MAML1: variants seen among roughly 807,000 people sequenced by gnomAD.
The protein encoded by MAML1 is mastermind like transcriptional coactivator 1.
In MAML1, 14 loss-of-function variants were observed where a neutral mutation model predicts 77.1. The observed-to-expected ratio is 0.18, with a 90% CI of 0.12 to 0.28. MAML1 has a LOEUF of 0.28. Ranked by LOEUF, MAML1 falls within the 10% of genes least tolerant of loss-of-function variation. The pLI is 1.00. For synonymous variants in MAML1, 516 were observed against 551.9 expected (o/e 0.93, Z 0.91); for missense variants, 1,217 against 1,327.8 (o/e 0.92, Z 1.30).
intron 1 of MAML1, among the ~76,000 whole-genome samples, chr5:179,737,381 C>G (rs903098422): frequency 2.0e-5 from 3 of 152,104 alleles, no homozygotes; most frequent in Admixed American, 1.3e-4. Context: ...ACAGTGGCTC[C>G]TTCAATTCAG....
chr5:179,772,407 G>A (rs1192813777), intron 4 of MAML1, among the ~76,000 whole-genome samples: 1 of 152,100 alleles, frequency 6.6e-6, no homozygotes, highest in Non-Finnish European at 1.5e-5. Flanking sequence ...GTGAGCTACC[G>A]TGCCCGGCCC....
rs769444821 is a variant in MAML1 at position 179,766,084 on chromosome 5, T to A, written c.1074T>A (p.Asn358Lys). ...FHTSGQPRADNPSPNLMPASA... is the reference protein window; with the variant it reads ...FHTSGQPRADKPSPNLMPASA... ...CCTCTGGTCAGCCCCGGGCGGACAATCCCAGTCCAAACCTGATGCCGGCAT... is the reference window on the plus strand; with the variant it reads ...CCTCTGGTCAGCCCCGGGCGGACAAACCCAGTCCAAACCTGATGCCGGCAT... Residue 358 changes from asparagine (N) to lysine (K), a missense_variant, in exon 2 of 5, where the codon AAT becomes AAA. Around this residue, in one of 3 missense-constraint regions of MAML1, gnomAD observed 884 missense variants for 949.3 expected, o/e 0.93. Coordinates refer to ENST00000292599, the MANE Select transcript of MAML1 (RefSeq NM_014757.5). The surrounding 1 kb of genome is among the most constrained non-coding windows in gnomAD (Gnocchi z 4.0). 3.4e-5 allele frequency: 54 copies of A among 1,585,870 alleles called. 2 individuals are homozygous for A. The East Asian group carries it at 1.2e-3, about 36-fold the overall frequency.
rs749079660 is a variant in MAML1 at position 179,774,486 on chromosome 5, A to G, written c.2660A>G (p.Asn887Ser). Residue 887 changes from asparagine to serine, a missense_variant, in exon 5 of 5, where the codon AAC becomes AGC. This residue lies in a region of MAML1 where 884 missense variants were observed against 949.3 expected (regional missense o/e 0.93). Transcript: ENST00000292599. ...SSPQFSQAVP[N>S]RPMAPMSSAA... ...CCGCAATTCTCCCAGGCAGTGCCCAACAGGCCCATGGCTCCCATGAGCTCA... is the reference window on the plus strand; with the variant it reads ...CCGCAATTCTCCCAGGCAGTGCCCAGCAGGCCCATGGCTCCCATGAGCTCA... 29 of 1,613,294 alleles carry G rather than the reference A, an allele frequency of 1.8e-5. No individual in the cohort carries two copies. The highest frequency in any genetic ancestry group is 2.5e-5 in the Non-Finnish European group (29 of 1,180,020).
chr5:179,740,274 C>T (rs1779255978), intron 1 of MAML1, among the ~76,000 whole-genome samples: 1 of 152,062 alleles, frequency 6.6e-6, no homozygotes, highest in Non-Finnish European at 1.5e-5. Context: ...GGAGCAGAAA[C>T]ATGATATGAT....
At position 179,766,834 on chromosome 5, in the gene MAML1, G is replaced by A; in HGVS notation, c.1731+93G>A. The A allele has an allele frequency of 9.5e-7, 1 of 1,056,924 alleles. No individual in the cohort carries two copies. Among genetic ancestry groups the A allele is most frequent in the Non-Finnish European group, 1.3e-6 (1 of 754,470 alleles). The allele number at this position is 1,056,924 out of a possible 1,614,324, so 65.5% of individuals were successfully genotyped here. A position where few individuals can be genotyped will look rare whatever the true frequency, so the allele number is the denominator to read the frequency against. On this transcript the variant is annotated intron_variant, in intron 2 of 4. Transcript: ENST00000292599. The surrounding 1 kb of genome is among the most constrained non-coding windows in gnomAD (Gnocchi z 4.0). Reference sequence around the variant, plus strand: ...GATGTTAATTGGATCCGAGGTAGTTGTGGGAAGAGGGAGGAGGGAATAGCT... The same window carrying A: ...GATGTTAATTGGATCCGAGGTAGTTATGGGAAGAGGGAGGAGGGAATAGCT...
At position 179,766,427 on chromosome 5, in the gene MAML1, A is replaced by G; in HGVS notation, c.1417A>G (p.Ser473Gly). 8 of 1,612,874 alleles carry G rather than the reference A, an allele frequency of 5.0e-6. No homozygotes were observed. Among genetic ancestry groups the G allele is most frequent in the Non-Finnish European group, 6.8e-6 (8 of 1,179,444 alleles). The change falls in exon 2 of 5, where the codon AGT (serine) becomes GGT (glycine). Residue 473 changes from serine (S) to glycine (G), a missense_variant. Coordinates refer to ENST00000292599, the MANE Select transcript of MAML1 (RefSeq NM_014757.5). This position sits in a 1 kb window ranked among gnomAD's most constrained non-coding sequence, Gnocchi z 4.0. Reference sequence around the variant, plus strand: ...GCTCATGATGCCTAGTGTGAATAAGAGTTCCCCTCGGCCCGGAGGCCCCTA... The same window carrying G: ...GCTCATGATGCCTAGTGTGAATAAGGGTTCCCCTCGGCCCGGAGGCCCCTA... ...KLLMMPSVNK[S>G]SPRPGGPYLQ...
intron 1 of MAML1, among the ~76,000 whole-genome samples, chr5:179,755,345 A>G (rs1226141607): frequency 6.6e-6 from 1 of 152,190 alleles, no homozygotes; most frequent in Non-Finnish European, 1.5e-5. Flanking sequence ...GTTAACTGTG[A>G]ACTTTCACTG....
chr5:179,753,896 T>A (rs1779560331), intron 1 of MAML1, among the ~76,000 whole-genome samples: 2 of 151,880 alleles, frequency 1.3e-5, no homozygotes, highest in African/African-American at 4.8e-5. Flanking sequence ...GGTCTCGAAC[T>A]CCCGACCTCA....
chr5:179,774,062 C>T lies in MAML1; in HGVS notation c.2236C>T (p.Pro746Ser), dbSNP rs1265495106. Residue 746 changes from proline (P) to serine (S), a missense_variant, in exon 5 of 5, where the codon CCT (proline) becomes TCT (serine). Around this residue, in one of 3 missense-constraint regions of MAML1, gnomAD observed 884 missense variants for 949.3 expected, o/e 0.93. Coordinates refer to ENST00000292599, the MANE Select transcript of MAML1 (RefSeq NM_014757.5). Reference protein sequence around the residue: ...GQQDRGVAQFPGSQNMPQSSL... With the variant: ...GQQDRGVAQFSGSQNMPQSSL... Reference sequence around the variant, plus strand: ...ACAGGACCGGGGTGTGGCTCAGTTCCCTGGCTCCCAAAACATGCCTCAGAG... The same window carrying T: ...ACAGGACCGGGGTGTGGCTCAGTTCTCTGGCTCCCAAAACATGCCTCAGAG... 1.2e-6 allele frequency: 2 copies of T among 1,614,158 alleles called. No individual in the cohort carries two copies. Among genetic ancestry groups the T allele is most frequent in the East Asian group, 2.2e-5 (1 of 44,880 alleles).
At position 179,766,413 on chromosome 5, in the gene MAML1, C is replaced by T; in HGVS notation, c.1403C>T (p.Pro468Leu). Residue 468 changes from proline to leucine, a missense_variant, in exon 2 of 5, where the codon CCT becomes CTT. Physicochemically the swap from Pro to Leu is moderately conservative, Grantham distance 98. Coordinates refer to ENST00000292599, the MANE Select transcript of MAML1 (RefSeq NM_014757.5). The surrounding 1 kb of genome is among the most constrained non-coding windows in gnomAD (Gnocchi z 4.0). The part of the protein sequence containing the change: ...DFTNSKLLMM[P>L]SVNKSSPRPG... ...ACTAACTCCAAACTGCTCATGATGC[C>T]TAGTGTGAATAAGAGTTCCCCTCGG... The T allele has an allele frequency of 6.2e-7, 1 of 1,612,836 alleles. No individual in the cohort carries two copies. Among genetic ancestry groups the T allele is most frequent in the Non-Finnish European group, 8.5e-7 (1 of 1,179,380 alleles).
intron 4 of MAML1, among the ~76,000 whole-genome samples, chr5:179,772,801 C>T (rs1756031834): frequency 6.6e-6 from 1 of 152,112 alleles, no homozygotes; most frequent in African/African-American, 2.4e-5. Flanking sequence ...ACATGGTCTG[C>T]CCTCCCTCAT....
intron 1 of MAML1, among the ~76,000 whole-genome samples, chr5:179,750,270 C>T (rs6601073): frequency 0.46 from 69,356 of 152,048 alleles, 17,167 homozygotes; most frequent in South Asian, 0.62. Flanking sequence ...CACATGCTTA[C>T]TCTGTGAGCC....
In MAML1 at chr5:179,775,264, G is replaced by A. The variant is rs1312001982; in HGVS notation, c.*387G>A. 1 of 1,006,264 alleles carries A rather than the reference G, an allele frequency of 9.9e-7. No individual in the cohort carries two copies. Among genetic ancestry groups the A allele is most frequent in the Non-Finnish European group, 1.2e-6 (1 of 844,478 alleles). 62.3% of individuals were successfully genotyped at this position (1,006,264 alleles called of 1,614,324 possible). Reference sequence around the variant, plus strand: ...AGACTGCTCCACTTACCCCAGTGCTGGGGACAAGTTTCTGTTGAAACTTTA... The same window carrying A: ...AGACTGCTCCACTTACCCCAGTGCTAGGGACAAGTTTCTGTTGAAACTTTA... On this transcript the variant is annotated 3_prime_UTR_variant, in exon 5 of 5. Transcript: ENST00000292599.
intron 1 of MAML1, among the ~76,000 whole-genome samples, chr5:179,739,732 A>G (rs557039716): frequency 6.6e-6 from 1 of 152,356 alleles, no homozygotes; most frequent in African/African-American, 2.4e-5. Flanking sequence ...TAGCATTTCT[A>G]TCATACGAAG....
At chr5:179,752,881 C>T (rs1001864927) in intron 1 of MAML1, among the ~76,000 whole-genome samples, 13 of 152,160 alleles carry the variant, frequency 8.5e-5, no homozygotes, top group African/African-American at 3.1e-4. Flanking sequence ...TCAAGTGATT[C>T]TCCAGTCTCA....
intron 1 of MAML1, among the ~76,000 whole-genome samples, chr5:179,747,696 G>C (rs1779406809): frequency 6.7e-6 from 1 of 150,236 alleles, no homozygotes; most frequent in African/African-American, 2.4e-5. Context: ...TGTAGTCCCA[G>C]CTACTTGGGA....
rs1194277356 is a variant in MAML1, at chr5:179,771,588, G to C, written c.2068+345G>C. ...CTGCTTTTATGTGTCTTCAAAAAATGACTCCTATCTTCCAGATAAGGACTT... is the reference window on the plus strand; with the variant it reads ...CTGCTTTTATGTGTCTTCAAAAAATCACTCCTATCTTCCAGATAAGGACTT... On this transcript the variant is annotated intron_variant, in intron 4 of 4. Coordinates refer to ENST00000292599, the MANE Select transcript of MAML1 (RefSeq NM_014757.5). This position sits in a 1 kb window ranked among gnomAD's most constrained non-coding sequence, Gnocchi z 4.7. Among the ~76,000 whole-genome samples, 1 of 152,194 alleles carries C rather than the reference G, an allele frequency of 6.6e-6. No homozygotes were observed. The highest frequency in any genetic ancestry group is 2.4e-5 in the African/African-American group (1 of 41,438).
rs1756127850 is a variant in MAML1, at chr5:179,775,981, A to G, written c.*1104A>G. ...TCCACTTGGTTTGACAACTTCTGCC[A>G]CTCCCATGTCAGATGACTTGCACTT... On this transcript the variant is annotated 3_prime_UTR_variant, in exon 5 of 5. Coordinates refer to ENST00000292599, the MANE Select transcript of MAML1 (RefSeq NM_014757.5). 1.0e-6 allele frequency: 1 copy of G among 985,550 alleles called. No individual in the cohort carries two copies. The highest frequency in any genetic ancestry group is 6.2e-5 in the Admixed American group (1 of 16,256). 61.1% of individuals were successfully genotyped at this position (985,550 alleles called of 1,614,324 possible).
In MAML1 at chr5:179,765,661, G is replaced by A; in HGVS notation, c.651G>A (p.Lys217=). The change falls in exon 2 of 5, where the codon AAG becomes AAA. Residue 217 remains lysine, a synonymous_variant. Coordinates refer to ENST00000292599, the MANE Select transcript of MAML1 (RefSeq NM_014757.5). ...SFPLSLNKEL[K]QEPVEDLPCM... ...CTCTGAGCCTGAATAAAGAACTGAA[G>A]CAGGAGCCTGTCGAAGACCTGCCTT... is the stretch of plus-strand genomic sequence containing the variant. 1.9e-6 allele frequency: 3 copies of A among 1,614,200 alleles called. No individual in the cohort carries two copies. Among genetic ancestry groups the A allele is most frequent in the Non-Finnish European group, 2.5e-6 (3 of 1,180,042 alleles).
Sources: gnomAD v4.1 joint callset for allele counts (sites outside exome capture counted in the v4.1 genomes callset) on GRCh38, gnomAD v4.1.1 for gene constraint, gnomAD v4.1.1 regional missense constraint, Gnocchi (gnomAD v3.1) non-coding constraint, MANE v1.5 for transcripts, NCBI Gene and HGNC (gene_info 2026-07-23, HGNC 2026-07-21) for gene names.